The following CNTNAP3B variants were observed in gnomAD, a reference collection of about 807,000 sequenced individuals.
CNTNAP3B encodes contactin-associated protein-like 3B.
In CNTNAP3B, 25 loss-of-function variants were observed where a neutral mutation model predicts 108.9. That is an observed-to-expected ratio of 0.23 (90% CI 0.17 to 0.32). The LOEUF is 0.32. CNTNAP3B is among the 10% of genes least tolerant of loss of function. The probability of loss-of-function intolerance (pLI) is 1.00; values close to 1 mark genes in which losing one functional copy is unlikely to be tolerated. For synonymous variants in CNTNAP3B, 103 were observed against 473.4 expected, an observed-to-expected ratio of 0.22 and a Z score of 10.16; for missense variants, 252 against 1,210.4, an observed-to-expected ratio of 0.21 and a Z score of 11.75.
In CNTNAP3B at chr9:41,997,421, A is replaced by C. The variant is rs1825919991; in HGVS notation, c.927+147T>G. On this transcript the variant is annotated intron_variant, in intron 6 of 23. Transcript: ENST00000377561. ...CTATTATAATAAACTGACCTATTAG[A>C]AGGCATAAACAGTTTCATAGTACCG... 6 of 1,225,170 alleles carry C rather than the reference A, an allele frequency of 4.9e-6. No homozygotes were observed. In the Admixed American group the frequency reaches 1.0e-4, roughly 21 times the overall value. 75.9% of individuals were successfully genotyped at this position (1,225,170 alleles called of 1,614,324 possible).
intron 3 of CNTNAP3B, among the ~76,000 whole-genome samples, chr9:42,076,426 C>T (rs1371100118): frequency 8.3e-6 from 1 of 120,764 alleles, no homozygotes; most frequent in African/African-American, 3.4e-5. Flanking sequence ...AACTCTGTCT[C>T]TAAAAAAAAA....
In CNTNAP3B at chr9:42,111,577, G is replaced by A. The variant is rs1828193933; in HGVS notation, c.86-6838C>T. ...AGAAGGAAAGAGGCAGACTGCTGAT[G>A]AAAGAATCTGATTGCCTAAATTCAG... is the stretch of plus-strand genomic sequence containing the variant. On this transcript the variant is annotated intron_variant, in intron 1 of 23. Transcript: ENST00000377561. Among the ~76,000 whole-genome samples, 2 of 138,412 alleles carry A rather than the reference G, an allele frequency of 1.4e-5. 1 individual carries two copies. The highest frequency in any genetic ancestry group is 5.8e-5 in the African/African-American group (2 of 34,686). 90.8% of individuals were successfully genotyped at this position (138,412 alleles called of 152,430 possible). A position where few individuals can be genotyped will look rare whatever the true frequency, so the allele number is the denominator to read the frequency against.
intron 15 of CNTNAP3B, among the ~76,000 whole-genome samples, chr9:41,928,904 T>G: frequency 7.0e-6 from 1 of 143,146 alleles, no homozygotes; most frequent in South Asian, 2.3e-4. Context: ...TTCGGTGCCA[T>G]GTAATGTAAA....
chr9:42,103,568 A>G (rs1462469483), intron 2 of CNTNAP3B, among the ~76,000 whole-genome samples: 1 of 122,766 alleles, frequency 8.1e-6, no homozygotes. Context: ...CTAAAAAAAA[A>G]AAAAAAAATA....
At chr9:42,120,633 T>A (rs1587288451) in intron 1 of CNTNAP3B, among the ~76,000 whole-genome samples, 1 of 137,932 alleles carries the variant, frequency 7.2e-6, no homozygotes, top group East Asian at 2.2e-4. Context: ...CATGGAATAC[T>A]ATGCAGCCAT....
chr9:42,086,157 T>C (rs550771792), intron 2 of CNTNAP3B, among the ~76,000 whole-genome samples: 2 of 140,962 alleles, frequency 1.4e-5, no homozygotes, highest in Non-Finnish European at 3.1e-5. Context: ...CAAGAGAGAA[T>C]GATTATCAAG....
chr9:42,018,408 C>G (rs1826249618), intron 3 of CNTNAP3B, among the ~76,000 whole-genome samples: 1 of 139,212 alleles, frequency 7.2e-6, no homozygotes, highest in Non-Finnish European at 1.5e-5. Flanking sequence ...CATGATTCCT[C>G]ACTGAGGAAG....
At chr9:42,118,568 T>C (rs1354897782) in intron 1 of CNTNAP3B, among the ~76,000 whole-genome samples, 2 of 127,196 alleles carry the variant, frequency 1.6e-5, no homozygotes, top group Non-Finnish European at 3.3e-5. Flanking sequence ...ACAGCCAATA[T>C]CATACTGAAT....
chr9:42,045,338 A>G (rs1826850154), intron 3 of CNTNAP3B, among the ~76,000 whole-genome samples: 1 of 124,538 alleles, frequency 8.0e-6, no homozygotes, highest in Non-Finnish European at 1.6e-5. Context: ...ATCATTAACT[A>G]TAGGCACAGT....
intron 14 of CNTNAP3B, among the ~76,000 whole-genome samples, chr9:41,936,149 C>T (rs1055378225): frequency 3.3e-5 from 5 of 152,304 alleles, no homozygotes; most frequent in Admixed American, 3.3e-4. Flanking sequence ...GTGTGGCACT[C>T]GGCTGTAATC....
intron 13 of CNTNAP3B, among the ~76,000 whole-genome samples, chr9:41,943,587 T>C (rs1824431436): frequency 6.6e-6 from 1 of 151,198 alleles, no homozygotes; most frequent in Admixed American, 6.6e-5. Flanking sequence ...CTCCTGAACT[T>C]GTGATCCGCC....
At chr9:41,954,365 A>C (rs1824792891) in intron 12 of CNTNAP3B, among the ~76,000 whole-genome samples, 2 of 152,278 alleles carry the variant, frequency 1.3e-5, no homozygotes, top group African/African-American at 4.8e-5. Context: ...CTTGTGCGTA[A>C]GACAAATTTC....
At chr9:42,054,841 A>G in intron 3 of CNTNAP3B, among the ~76,000 whole-genome samples, 1 of 150,094 alleles carries the variant, frequency 6.7e-6, no homozygotes, top group Non-Finnish European at 1.5e-5. Flanking sequence ...TTTTTAATCT[A>G]ATAAGCTCCT....
intron 14 of CNTNAP3B, among the ~76,000 whole-genome samples, chr9:41,933,371 C>T (rs1434625712): frequency 6.6e-6 from 1 of 152,270 alleles, no homozygotes; most frequent in Non-Finnish European, 1.5e-5. Flanking sequence ...CGAAATCACC[C>T]CCGATTGAGA....
At chr9:41,934,005 A>C (rs2118027704) in intron 14 of CNTNAP3B, among the ~76,000 whole-genome samples, 1 of 151,646 alleles carries the variant, frequency 6.6e-6, no homozygotes, top group East Asian at 1.9e-4. Flanking sequence ...TTATAATATT[A>C]AAATATTCTT....
intron 14 of CNTNAP3B, among the ~76,000 whole-genome samples, chr9:41,936,814 CAT>C (rs1256523182): frequency 6.6e-6 from 1 of 152,274 alleles, no homozygotes; most frequent in African/African-American, 2.4e-5. Context: ...AAGAGTGTCT[CAT>C]AAATCTGTAT....
At chr9:42,071,184 C>T (rs1182586842) in intron 3 of CNTNAP3B, among the ~76,000 whole-genome samples, 14 of 143,566 alleles carry the variant, frequency 9.8e-5, no homozygotes, top group Non-Finnish European at 2.0e-4. Context: ...CCAGGGAAGA[C>T]ACAGGCTGGA....
At chr9:41,940,397 G>C (rs1328396343) in intron 13 of CNTNAP3B, among the ~76,000 whole-genome samples, 1 of 152,292 alleles carries the variant, frequency 6.6e-6, no homozygotes, top group African/African-American at 2.4e-5. Context: ...TTGAATGATA[G>C]TAGATTACTC....
intron 18 of CNTNAP3B, among the ~76,000 whole-genome samples, chr9:41,918,166 TA>T: frequency 1.3e-5 from 2 of 150,656 alleles, no homozygotes; most frequent in Non-Finnish European, 3.0e-5. Flanking sequence ...ACCTCCTCTT[TA>T]AAAATCGATT....
Sources: allele counts gnomAD v4.1 joint callset (sites outside exome capture counted in the v4.1 genomes callset), GRCh38; gene constraint gnomAD v4.1.1; transcripts MANE v1.5; gene names NCBI Gene and HGNC (gene_info 2026-07-23, HGNC 2026-07-21).